The following VAT1L variants were observed in gnomAD, a reference collection of about 807,000 sequenced individuals.
VAT1L encodes the protein putative NADPH-dependent quinone oxidoreductase VAT1L.
In VAT1L, 34 loss-of-function variants were observed where a neutral mutation model predicts 44.1. The ratio of observed to expected loss-of-function variants is 0.77; its 90% CI spans 0.59 to 1.03. VAT1L has a LOEUF of 1.03. Ranked by LOEUF, VAT1L falls within the 50% of genes least tolerant of loss-of-function variation. The pLI is 0.00. For missense variants in VAT1L, 615 were observed against 538.8 expected (o/e 1.14, Z -1.40); for synonymous variants, 253 against 202.2 (o/e 1.25, Z -2.13).
At chr16:77,900,228 C>G (rs1378408483) in intron 7 of VAT1L, among the ~76,000 whole-genome samples, 1 of 152,120 alleles carries the variant, frequency 6.6e-6, no homozygotes, top group African/African-American at 2.4e-5. Flanking sequence ...GGAATCCAAG[C>G]CACATTCCTT....
chr16:77,864,915 T>G (rs1214500253), intron 4 of VAT1L, among the ~76,000 whole-genome samples: 1 of 152,094 alleles, frequency 6.6e-6, no homozygotes, highest in African/African-American at 2.4e-5. Flanking sequence ...CAGGCTAATT[T>G]TGAGGACATC....
At chr16:77,828,424 G>A (rs2016546803) in intron 3 of VAT1L, among the ~76,000 whole-genome samples, 1 of 152,232 alleles carries the variant, frequency 6.6e-6, no homozygotes, top group African/African-American at 2.4e-5. Context: ...AGCACTTTGG[G>A]AGGCCAATGC....
At chr16:77,880,757 C>G (rs1003069342) in intron 6 of VAT1L, among the ~76,000 whole-genome samples, 2 of 142,712 alleles carry the variant, frequency 1.4e-5, no homozygotes, top group South Asian at 2.1e-4. Context: ...CCCTGCCCCC[C>G]TCCCAGTCCC....
chr16:77,848,946 A>G (rs11864486), intron 3 of VAT1L, among the ~76,000 whole-genome samples: 1,641 of 152,302 alleles, frequency 0.011, 31 homozygotes, highest in African/African-American at 0.038. Context: ...AGGAACAGAA[A>G]ACCAAACACC....
At chr16:77,940,763 C>T (rs1232448061) in intron 7 of VAT1L, among the ~76,000 whole-genome samples, 1 of 152,136 alleles carries the variant, frequency 6.6e-6, no homozygotes, top group Non-Finnish European at 1.5e-5. Context: ...TCCAGCATCA[C>T]CTAATGTATG....
intron 3 of VAT1L, among the ~76,000 whole-genome samples, chr16:77,852,244 G>A (rs1422179960): frequency 6.6e-6 from 1 of 152,214 alleles, no homozygotes; most frequent in East Asian, 1.9e-4. Flanking sequence ...TCACTGGTGT[G>A]TCATCCCGTA....
chr16:77,854,696 C>T (rs547809707), intron 3 of VAT1L, among the ~76,000 whole-genome samples: 2 of 152,324 alleles, frequency 1.3e-5, no homozygotes, highest in African/African-American at 4.8e-5. Flanking sequence ...AATCTTACCT[C>T]ACCATCTCCT....
rs564326649 is a variant in VAT1L at position 77,977,497 on chromosome 16, C to T, written c.1162-100C>T. 913 of 1,205,208 alleles carry T rather than the reference C, an allele frequency of 7.6e-4. 16 individuals are homozygous for T. In the South Asian group the frequency reaches 0.012, roughly 16 times the overall value. 74.7% of individuals were successfully genotyped at this position (1,205,208 alleles called of 1,614,324 possible). A position where few individuals can be genotyped will look rare whatever the true frequency, so the allele number is the denominator to read the frequency against. On this transcript the variant is annotated intron_variant, in intron 8 of 8. Coordinates refer to ENST00000302536, the MANE Select transcript of VAT1L (RefSeq NM_020927.3). ...TCCAGGGAAACAAGCAACCCTAGTT[C>T]CTAGCCCCCAAGAAGTCCTCCCATA...
intron 5 of VAT1L, among the ~76,000 whole-genome samples, chr16:77,877,839 C>A (rs1198560360): frequency 6.6e-6 from 1 of 152,148 alleles, no homozygotes; most frequent in African/African-American, 2.4e-5. Context: ...GGCAGGTAAA[C>A]ATCCCATTGC....
intron 1 of VAT1L, among the ~76,000 whole-genome samples, chr16:77,795,279 G>GC (rs768413009): frequency 1.2e-5 from 1 of 82,896 alleles, no homozygotes; most frequent in African/African-American, 3.9e-5. Flanking sequence ...ATTTACAGTG[G>GC]GGGCGGGGGG....
intron 7 of VAT1L, among the ~76,000 whole-genome samples, chr16:77,915,257 G>C (rs1009082738): frequency 1.6e-4 from 24 of 152,208 alleles, no homozygotes; most frequent in Admixed American, 9.2e-4. Flanking sequence ...ACAGTAAAGA[G>C]TATTGTATAT....
intron 1 of VAT1L, among the ~76,000 whole-genome samples, chr16:77,806,903 G>A (rs2016170843): frequency 6.6e-6 from 1 of 152,138 alleles, no homozygotes; most frequent in Non-Finnish European, 1.5e-5. Flanking sequence ...TCCATGGAAA[G>A]CTGGGGTGAG....
chr16:77,871,383 G>A (rs895135276), intron 4 of VAT1L, among the ~76,000 whole-genome samples: 15 of 152,136 alleles, frequency 9.9e-5, no homozygotes, highest in African/African-American at 3.4e-4. Context: ...GCCTGAATGT[G>A]AAGGAGACCC....
At chr16:77,819,000 ATTT>A (rs11410141) in intron 2 of VAT1L, among the ~76,000 whole-genome samples, 1 of 150,890 alleles carries the variant, frequency 6.6e-6, no homozygotes, top group African/African-American at 2.4e-5. Context: ...GCCAGGACTG[ATTT>A]TTTTTTTCTT....
At chr16:77,944,461 T>C (rs1175975648) in intron 7 of VAT1L, among the ~76,000 whole-genome samples, 1 of 152,180 alleles carries the variant, frequency 6.6e-6, no homozygotes, top group Non-Finnish European at 1.5e-5. Flanking sequence ...TTTTTAACAG[T>C]CTTATTCCCA....
intron 1 of VAT1L, among the ~76,000 whole-genome samples, chr16:77,813,454 G>A (rs2016299871): frequency 1.3e-5 from 2 of 152,166 alleles, no homozygotes; most frequent in Admixed American, 1.3e-4. Flanking sequence ...AAGTAATGAA[G>A]GAATTCATGG....
rs564549933 is a variant in VAT1L, at chr16:77,850,037, G to T, written c.580-12711G>T. On this transcript the variant is annotated intron_variant, in intron 3 of 8. Coordinates refer to ENST00000302536, the MANE Select transcript of VAT1L (RefSeq NM_020927.3). ...TGTTGAGAGGCCTTGTTAATGAGGTGCCTCCAGCAAACATGGACACGCGTG... is the reference window on the plus strand; with the variant it reads ...TGTTGAGAGGCCTTGTTAATGAGGTTCCTCCAGCAAACATGGACACGCGTG... Among the ~76,000 whole-genome samples, 7 of 152,334 alleles carry T rather than the reference G, an allele frequency of 4.6e-5. No individual in the cohort carries two copies. In the South Asian group the frequency reaches 1.4e-3, roughly 32 times the overall value.
At chr16:77,801,951 C>G (rs1019832899) in intron 1 of VAT1L, among the ~76,000 whole-genome samples, 4 of 152,140 alleles carry the variant, frequency 2.6e-5, no homozygotes, top group Non-Finnish European at 5.9e-5. Context: ...CCGGAATCGA[C>G]GATGCATGAC....
chr16:77,790,323 A>C (rs1229528521), intron 1 of VAT1L, among the ~76,000 whole-genome samples: 1 of 152,132 alleles, frequency 6.6e-6, no homozygotes, highest in Non-Finnish European at 1.5e-5. Flanking sequence ...CTGTACAATA[A>C]ACTCTTATTG....
Sources: allele counts gnomAD v4.1 joint callset (sites outside exome capture counted in the v4.1 genomes callset), GRCh38; gene constraint gnomAD v4.1.1; transcripts MANE v1.5; gene names NCBI Gene and HGNC (gene_info 2026-07-23, HGNC 2026-07-21).